The following GRID2 variants were observed in gnomAD, a reference collection of about 807,000 sequenced individuals.
The protein encoded by GRID2 is glutamate ionotropic receptor delta type subunit 2.
GRID2 carries 33 observed loss-of-function variants against 114.8 expected under a neutral mutation model. That is an observed-to-expected ratio of 0.29 (90% CI 0.22 to 0.38). GRID2 has a LOEUF of 0.38. Ranked by LOEUF, GRID2 falls within the 10% of genes least tolerant of loss-of-function variation. The probability of loss-of-function intolerance (pLI) is 1.00; values close to 1 mark genes in which losing one functional copy is unlikely to be tolerated. For missense variants in GRID2, 1,184 were observed against 1,257.7 expected (o/e 0.94, Z 0.89); for synonymous variants, 505 against 449.9 (o/e 1.12, Z -1.55).
chr4:92,437,193 G>T (rs967939973), intron 1 of GRID2, among the ~76,000 whole-genome samples: 1 of 151,974 alleles, frequency 6.6e-6, no homozygotes, highest in African/African-American at 2.4e-5. Flanking sequence ...ATAAATATTC[G>T]GTGCACTGAA....
At chr4:92,915,854 T>G (rs1748750225) in intron 2 of GRID2, among the ~76,000 whole-genome samples, 1 of 152,184 alleles carries the variant, frequency 6.6e-6, no homozygotes, top group South Asian at 2.1e-4. Context: ...GTTGGCCACA[T>G]GTATGTCTTC....
intron 2 of GRID2, among the ~76,000 whole-genome samples, chr4:93,054,183 A>G (rs956444688): frequency 3.3e-5 from 5 of 151,972 alleles, no homozygotes; most frequent in East Asian, 1.9e-4. Flanking sequence ...TAGAAATGCT[A>G]AATGAAACAA....
At chr4:93,611,056 T>A (rs1740836196) in intron 13 of GRID2, among the ~76,000 whole-genome samples, 2 of 126,912 alleles carry the variant, frequency 1.6e-5, no homozygotes, top group South Asian at 5.4e-4. Flanking sequence ...AGTGTATGTG[T>A]CAAGGAATTT....
At chr4:93,191,475 T>C (rs1424966516) in intron 4 of GRID2, among the ~76,000 whole-genome samples, 4 of 152,124 alleles carry the variant, frequency 2.6e-5, no homozygotes, top group Admixed American at 2.6e-4. Context: ...TTTTAAATTA[T>C]ATGTAATTTT....
intron 2 of GRID2, among the ~76,000 whole-genome samples, chr4:92,851,982 A>G (rs1293751426): frequency 6.6e-6 from 1 of 151,964 alleles, no homozygotes; most frequent in Non-Finnish European, 1.5e-5. Context: ...TTGTTAAGAA[A>G]TTTGTAAAGA....
chr4:93,277,034 C>G (rs1752127646), intron 8 of GRID2, among the ~76,000 whole-genome samples: 1 of 151,660 alleles, frequency 6.6e-6, no homozygotes, highest in African/African-American at 2.4e-5. Flanking sequence ...AGCTTATTAT[C>G]TAGTGGAAAA....
intron 8 of GRID2, among the ~76,000 whole-genome samples, chr4:93,332,074 A>G (rs1758521782): frequency 6.6e-6 from 1 of 152,096 alleles, no homozygotes; most frequent in African/African-American, 2.4e-5. Context: ...CTTGCCTGAA[A>G]TTTTGAACTT....
At chr4:93,466,293 G>A (rs1724263340) in intron 11 of GRID2, among the ~76,000 whole-genome samples, 1 of 152,118 alleles carries the variant, frequency 6.6e-6, no homozygotes, top group Non-Finnish European at 1.5e-5. Context: ...TAGTATTGAT[G>A]CAGGGCAGGC....
intron 2 of GRID2, among the ~76,000 whole-genome samples, chr4:92,618,125 T>C (rs1730089691): frequency 6.6e-6 from 1 of 151,754 alleles, no homozygotes; most frequent in Non-Finnish European, 1.5e-5. Flanking sequence ...TATGTTTTCT[T>C]CTAAAAATTA....
At chr4:93,511,529 A>G (rs1320340323) in intron 12 of GRID2, among the ~76,000 whole-genome samples, 2 of 152,044 alleles carry the variant, frequency 1.3e-5, no homozygotes, top group African/African-American at 4.8e-5. Context: ...GCAGCAAAGC[A>G]TTTTCTTTCT....
At chr4:93,340,238 C>T (rs1405029901) in intron 8 of GRID2, among the ~76,000 whole-genome samples, 2 of 94,392 alleles carry the variant, frequency 2.1e-5, no homozygotes, top group African/African-American at 7.9e-5. Flanking sequence ...ATTATCTCCT[C>T]TCTTTTTTTT....
rs554331004 is a variant in GRID2, at chr4:93,206,199, G to A, written c.736-1205G>A. ...CACAGGGAACAATGTGATGTATAAT[G>A]GAATAGTATGAAACTTGTACCAAGT... is the stretch of plus-strand genomic sequence containing the variant. On this transcript the variant is annotated intron_variant, in intron 4 of 15. Transcript: ENST00000282020. Among the ~76,000 whole-genome samples, 7 of 152,070 alleles carry A rather than the reference G, an allele frequency of 4.6e-5. No individual in the cohort carries two copies. In the South Asian group the frequency reaches 1.5e-3, roughly 32 times the overall value.
chr4:92,726,926 G>T (rs546032145), intron 2 of GRID2, among the ~76,000 whole-genome samples: 50 of 152,184 alleles, frequency 3.3e-4, no homozygotes, highest in Admixed American at 1.7e-3. Context: ...TCATAAATTA[G>T]ACTTGAGAGT....
intron 1 of GRID2, among the ~76,000 whole-genome samples, chr4:92,422,270 G>C (rs375624626): frequency 6.6e-6 from 1 of 152,040 alleles, no homozygotes. Flanking sequence ...GAAATGGAGA[G>C]TTCTAGGAGC....
chr4:93,282,322 G>T, intron 8 of GRID2: 2 of 407,562 alleles, frequency 4.9e-6, no homozygotes, highest in Non-Finnish European at 9.8e-6. Flanking sequence ...GGGCTGCTAT[G>T]ACAGAATACC....
At chr4:93,561,993 T>C (rs1435983636) in intron 13 of GRID2, among the ~76,000 whole-genome samples, 2 of 152,132 alleles carry the variant, frequency 1.3e-5, no homozygotes, top group Non-Finnish European at 2.9e-5. Context: ...TAAACATTCA[T>C]GTGCAAGCTT....
At chr4:92,843,361 T>C (rs1743057685) in intron 2 of GRID2, among the ~76,000 whole-genome samples, 1 of 152,158 alleles carries the variant, frequency 6.6e-6, no homozygotes, top group East Asian at 1.9e-4. Context: ...AAACCTCATT[T>C]TGAATTCAAG....
At chr4:93,443,288 A>C (rs1013709884) in intron 10 of GRID2, among the ~76,000 whole-genome samples, 1 of 152,016 alleles carries the variant, frequency 6.6e-6, no homozygotes, top group African/African-American at 2.4e-5. Context: ...TTATATGTTC[A>C]ATTATATACA....
intron 1 of GRID2, among the ~76,000 whole-genome samples, chr4:92,321,263 G>A (rs1012193757): frequency 2.0e-5 from 3 of 152,114 alleles, no homozygotes; most frequent in African/African-American, 7.2e-5. Context: ...TCCCCTAGAA[G>A]ACTCCACCTT....
Sources: gnomAD v4.1 joint callset for allele counts (sites outside exome capture counted in the v4.1 genomes callset) on GRCh38, gnomAD v4.1.1 for gene constraint, MANE v1.5 for transcripts, NCBI Gene and HGNC (gene_info 2026-07-23, HGNC 2026-07-21) for gene names.